The following ERMARD variants were observed in gnomAD, a reference collection of about 807,000 sequenced individuals.
ERMARD encodes the protein ER membrane associated RNA degradation, also known as endoplasmic reticulum membrane-associated RNA degradation protein.
Under a neutral mutation model 83.9 loss-of-function variants are expected in ERMARD, and 71 were observed. The ratio of observed to expected loss-of-function variants is 0.85; its 90% CI spans 0.70 to 1.03. The LOEUF is 1.03. ERMARD is among the 50% of genes least tolerant of loss of function. The probability of loss-of-function intolerance (pLI) is 0.00; values close to 1 mark genes in which losing one functional copy is unlikely to be tolerated. For synonymous variants in ERMARD, 284 were observed against 298.6 expected, an observed-to-expected ratio of 0.95 and a Z score of 0.50; for missense variants, 838 against 810.9, an observed-to-expected ratio of 1.03 and a Z score of -0.41.
intron 16 of ERMARD, among the ~76,000 whole-genome samples, chr6:169,776,918 C>T (rs904825878): frequency 6.6e-6 from 1 of 152,218 alleles, no homozygotes; most frequent in Non-Finnish European, 1.5e-5. Flanking sequence ...GAGGCCCTGA[C>T]GGCATGTACC....
At chr6:169,758,182 G>C (rs180996676) in intron 5 of ERMARD, among the ~76,000 whole-genome samples, 72 of 152,348 alleles carry the variant, frequency 4.7e-4, no homozygotes, top group African/African-American at 1.7e-3. Context: ...CTTCTCAACA[G>C]CCATCTTTCA....
intron 12 of ERMARD, chr6:169,771,327 C>G (rs959556828): frequency 6.6e-6 from 1 of 152,114 alleles, no homozygotes; most frequent in Non-Finnish European, 1.5e-5. Context: ...TTGTGATCCA[C>G]CCGCCTCGGC....
At position 169,762,690 on chromosome 6, in the gene ERMARD, TTTATG is replaced by T. The variant is rs1477929186; in HGVS notation, c.960+164_960+168del. 4.6e-5 allele frequency among the ~76,000 whole-genome samples: 7 copies of T among 152,360 alleles called. No homozygotes were observed. In the East Asian group the frequency reaches 1.3e-3, roughly 29 times the overall value. ...GCCTATCATTTCTATAGGATTTATA[TTTATG>T]TTATTTATGATTGTTTTTGATATTT... On this transcript the variant is annotated intron_variant, in intron 9 of 17. Transcript: ENST00000366773.
In ERMARD at chr6:169,756,368, A is replaced by G. The variant is rs756087967; in HGVS notation, c.346A>G (p.Ser116Gly). 2.5e-6 allele frequency: 4 copies of G among 1,610,580 alleles called. No homozygotes were observed. In the African/African-American group the frequency reaches 4.0e-5, roughly 16 times the overall value. ...LFPEIFDALE[S>G]LQSPAISLSL... is the part of the protein sequence containing the mutation. ...TCCTGAAATATTTGATGCCTTGGAA[A>G]GTCTACAATCTCCTGCTATTTCTCT... is the stretch of plus-strand genomic sequence containing the variant. The change falls in exon 4 of 18, where the codon AGT becomes GGT. Residue 116 changes from serine to glycine, a missense_variant. By Grantham distance (56) the Ser-to-Gly change is moderately conservative (BLOSUM62 0). Transcript: ENST00000366773.
intron 16 of ERMARD, among the ~76,000 whole-genome samples, chr6:169,777,037 A>G (rs1208109328): frequency 6.6e-6 from 1 of 152,208 alleles, no homozygotes; most frequent in African/African-American, 2.4e-5. Context: ...GGGAAAATAC[A>G]AAGGTGGGGG....
At chr6:169,765,218 A>G (rs892686137) in intron 9 of ERMARD, among the ~76,000 whole-genome samples, 4 of 152,272 alleles carry the variant, frequency 2.6e-5, no homozygotes, top group African/African-American at 9.6e-5. Context: ...TGACTTCATA[A>G]ATAAATAACA....
intron 5 of ERMARD, among the ~76,000 whole-genome samples, chr6:169,757,676 C>T (rs1790989126): frequency 6.6e-6 from 1 of 152,126 alleles, no homozygotes; most frequent in Non-Finnish European, 1.5e-5. Flanking sequence ...GATGGAGAAA[C>T]CCAGAAGAGC....
At chr6:169,770,080 C>G (rs1792713794) in intron 12 of ERMARD, among the ~76,000 whole-genome samples, 1 of 151,888 alleles carries the variant, frequency 6.6e-6, no homozygotes, top group African/African-American at 2.4e-5. Flanking sequence ...TCAATAAACT[C>G]TTTTATTTCA....
At chr6:169,776,838 C>G (rs75270650) in intron 16 of ERMARD, among the ~76,000 whole-genome samples, 165 bp downstream of exon 16, 146 of 152,328 alleles carry the variant, frequency 9.6e-4, no homozygotes, top group African/African-American at 3.5e-3. Context: ...CCCAAAGTAT[C>G]TGAGACAGGT....
chr6:169,773,635 T>G (rs926616449), intron 13 of ERMARD, among the ~76,000 whole-genome samples: 4 of 152,118 alleles, frequency 2.6e-5, no homozygotes, highest in Non-Finnish European at 5.9e-5. Context: ...GGCACTGAGG[T>G]TTTTAGTGTT....
rs1327536784 is a variant in ERMARD at position 169,751,640 on chromosome 6, A to C, written c.-18A>C. The C allele has an allele frequency of 1.9e-6, 3 of 1,568,768 alleles. No individual in the cohort carries two copies. The highest frequency in any genetic ancestry group is 2.6e-6 in the Non-Finnish European group (3 of 1,156,706). ...CGCCTGCGTCATTCACGCGCGCCGC[A>C]GCGGGGCACCGGAAGTTATGGAGGT... is the stretch of plus-strand genomic sequence containing the variant. On this transcript the variant is annotated 5_prime_UTR_variant, in exon 1 of 18. Coordinates refer to ENST00000366773, the MANE Select transcript of ERMARD (RefSeq NM_018341.3).
rs374621558 is a variant in ERMARD, at chr6:169,758,951, A to C, written c.508-17A>C. On this transcript the variant is annotated splice_polypyrimidine_tract_variant and intron_variant, in intron 5 of 17. Transcript: ENST00000366773. ...AGTAATTCAGTATAATTAACTATGTAATGATTTGCGGATTAGATGAATGTG... is the reference window on the plus strand; with the variant it reads ...AGTAATTCAGTATAATTAACTATGTCATGATTTGCGGATTAGATGAATGTG... 7.4e-5 allele frequency: 119 copies of C among 1,599,610 alleles called. No homozygotes were observed. The highest frequency in any genetic ancestry group is 9.7e-5 in the Non-Finnish European group (114 of 1,169,960).
intron 16 of ERMARD, among the ~76,000 whole-genome samples, chr6:169,778,026 T>G (rs186263732): frequency 6.6e-6 from 1 of 152,320 alleles, no homozygotes; most frequent in African/African-American, 2.4e-5. Flanking sequence ...AGGACGCGTT[T>G]CCGTCGCAGG....
chr6:169,758,012 G>A (rs1368659220), intron 5 of ERMARD, among the ~76,000 whole-genome samples: 1 of 152,220 alleles, frequency 6.6e-6, no homozygotes, highest in East Asian at 1.9e-4. Context: ...TGAACCATGA[G>A]TATTTCACAA....
At chr6:169,758,567 TATC>T (rs1417984926) in intron 5 of ERMARD, among the ~76,000 whole-genome samples, 2 of 152,250 alleles carry the variant, frequency 1.3e-5, no homozygotes, top group Non-Finnish European at 2.9e-5. Flanking sequence ...CTGCTTATCA[TATC>T]ATTGTCTTTT....
At chr6:169,776,743 C>A in intron 16 of ERMARD, 70 bp downstream of exon 16, 1 of 1,551,816 alleles carries the variant, frequency 6.4e-7, no homozygotes, top group Non-Finnish European at 8.8e-7. Context: ...CAGTTCTAGT[C>A]CTCACTTCCA....
rs753334453 is a variant in ERMARD at position 169,775,324 on chromosome 6, G to T, written c.1372G>T (p.Glu458Ter). Reference protein sequence around the residue: ...RVWALLPFPEELTRQAVRLED... With the variant: ...RVWALLPFPE Reference sequence around the variant, plus strand: ...TTGGGCTCTGCTGCCTTTCCCCGAAGAACTCACTCGGCAAGCCGTCAGGTG... The same window carrying T: ...TTGGGCTCTGCTGCCTTTCCCCGAATAACTCACTCGGCAAGCCGTCAGGTG... Residue 458 changes from glutamate (E) to a stop codon, truncating the protein, a stop_gained, in exon 14 of 18, where the codon GAA becomes TAA. Coordinates refer to ENST00000366773, the MANE Select transcript of ERMARD (RefSeq NM_018341.3). LOFTEE classifies it high-confidence loss of function. 1 of 1,614,174 alleles carries T rather than the reference G, an allele frequency of 6.2e-7. No homozygotes were observed. The highest frequency in any genetic ancestry group is 8.5e-7 in the Non-Finnish European group (1 of 1,179,992).
chr6:169,773,665 A>C (rs1179088011), intron 13 of ERMARD, among the ~76,000 whole-genome samples: 1 of 152,188 alleles, frequency 6.6e-6, no homozygotes. Context: ...AGCACTGGGA[A>C]GTGTTTTTGC....
At chr6:169,751,309 T>C (rs1454130055), upstream of ERMARD, 34 of 1,603,958 alleles carry the variant, frequency 2.1e-5, no homozygotes, top group Middle Eastern at 1.7e-4. Flanking sequence ...GACATAGCCG[T>C]CTCGGGCCCC....
Sources: gnomAD v4.1 joint callset for allele counts (sites outside exome capture counted in the v4.1 genomes callset) on GRCh38, gnomAD v4.1.1 for gene constraint, MANE v1.5 for transcripts, NCBI Gene and HGNC (gene_info 2026-07-23, HGNC 2026-07-21) for gene names.